Variants in EMC3 observed in about 807,000 individuals in gnomAD.
The protein encoded by EMC3 is ER membrane protein complex subunit 3.
EMC3 carries 13 observed loss-of-function variants against 36.6 expected under a neutral mutation model. The observed-to-expected ratio is 0.35, with a 90% confidence interval of 0.23 to 0.56. The LOEUF is 0.56. Among genes scored for constraint, EMC3 ranks in the 20% least tolerant of loss-of-function variants. The pLI is 0.84. For missense variants in EMC3, 220 were observed against 324.5 expected (o/e 0.68, Z 2.47); for synonymous variants, 120 against 111.9 (o/e 1.07, Z -0.46).
At chr3:9,987,957 A>G (rs2085997661), upstream of EMC3, 1 of 1,034,596 alleles carries the variant, frequency 9.7e-7, no homozygotes, top group Admixed American at 1.7e-5. Context: ...GTGTTTTGCC[A>G]TCACTGTTGC....
intron 1 of EMC3, chr3:9,981,680 C>T (rs2085913108): frequency 2.5e-6 from 1 of 398,180 alleles, no homozygotes; most frequent in South Asian, 1.8e-5. Flanking sequence ...AGGGATCCTC[C>T]CATCTCAGCC....
In EMC3 at chr3:9,964,153, T is replaced by C. The variant is rs201397681; in HGVS notation, c.702A>G (p.Leu234=). Residue 234 remains leucine, a synonymous_variant, in exon 8 of 8, where the codon CTA becomes CTG. Coordinates refer to ENST00000245046, the MANE Select transcript of EMC3 (RefSeq NM_001394674.1). ...ALELTDHQWA[L]DDVEEELMAK... ...CCATGAGCTCTTCTTCGACATCATC[T>C]AGTGCCCACTGGTGATCCGTCAGCT... The C allele has an allele frequency of 4.6e-5, 74 of 1,614,094 alleles. No individual in the cohort carries two copies. Among genetic ancestry groups the C allele is most frequent in the Non-Finnish European group, 6.0e-5 (71 of 1,180,046 alleles).
chr3:10,010,110 A>T (rs1452520726), intron 1 of EMC3: 1 of 152,320 alleles, frequency 6.6e-6, no homozygotes, highest in African/African-American at 2.4e-5. Flanking sequence ...TCCCTGGGAC[A>T]CCCCACTGGG....
At chr3:10,000,730 C>T in intron 1 of EMC3, 1 of 477,038 alleles carries the variant, frequency 2.1e-6, no homozygotes, top group South Asian at 1.5e-5. Context: ...TTCTTCCATA[C>T]CCTTGGGATT....
chr3:9,989,818 C>CTTCT (rs1333804375), upstream of EMC3, among the ~76,000 whole-genome samples: 1 of 152,036 alleles, frequency 6.6e-6, no homozygotes, highest in Non-Finnish European at 1.5e-5. Flanking sequence ...TCTCCATGTG[C>CTTCT]TTCTGCTTTG....
At chr3:9,996,847 A>G (rs77973971) in intron 1 of EMC3, among the ~76,000 whole-genome samples, 1 of 152,152 alleles carries the variant, frequency 6.6e-6, no homozygotes, top group Non-Finnish European at 1.5e-5. Context: ...GTTCTATATC[A>G]TACCTTTTGC....
intron 1 of EMC3, among the ~76,000 whole-genome samples, chr3:9,997,763 A>T (rs1042324770): frequency 6.6e-6 from 1 of 151,638 alleles, no homozygotes; most frequent in Non-Finnish European, 1.5e-5. Context: ...CCCGGCCCCC[A>T]TTCTTTGTTT....
intron 1 of EMC3, 74 bp from the exon 2 acceptor site, chr3:9,977,520 G>A (rs1487686908): frequency 7.2e-7 from 1 of 1,389,740 alleles, no homozygotes; most frequent in African/African-American, 1.4e-5. Context: ...TCAAGTAGAA[G>A]ACCTATTTAA....
rs189592710 is a variant in EMC3 at position 9,972,821 on chromosome 3, G to C, written c.494+807C>G. Reference sequence around the variant, plus strand: ...GATTCCAATGAAGTATTGCAAATTAGAAATCCTCATCTTTTTTTTTTTTTT... The same window carrying C: ...GATTCCAATGAAGTATTGCAAATTACAAATCCTCATCTTTTTTTTTTTTTT... On this transcript the variant is annotated intron_variant, in intron 5 of 7. Coordinates refer to ENST00000245046, the MANE Select transcript of EMC3 (RefSeq NM_001394674.1). Among the ~76,000 whole-genome samples, 17 of 147,772 alleles carry C rather than the reference G, an allele frequency of 1.2e-4. No individual in the cohort carries two copies. In the East Asian group the frequency reaches 3.2e-3, roughly 28 times the overall value.
At chr3:9,976,651 A>G (rs1298246954) in intron 3 of EMC3, among the ~76,000 whole-genome samples, 2 of 152,180 alleles carry the variant, frequency 1.3e-5, no homozygotes, top group Non-Finnish European at 2.9e-5. Flanking sequence ...TGTGCTCCCT[A>G]GAATCCTGGG....
intron 1 of EMC3, chr3:10,008,613 CTG>C (rs2086289853): frequency 5.5e-5 from 24 of 437,652 alleles, no homozygotes; most frequent in South Asian, 3.7e-4. Context: ...GGTGAGGAAA[CTG>C]AGGCTGAAGA....
rs866885769 is a variant in EMC3 at position 9,980,334 on chromosome 3, C to A, written c.156-2888G>T. ...CAGCCAGGTCCCACTGTATTTTGAT[C>A]ACTGTCTTAAGAGCAAAAGGAAACT... On this transcript the variant is annotated intron_variant, in intron 1 of 7. Transcript: ENST00000245046. Among the ~76,000 whole-genome samples the A allele has an allele frequency of 4.0e-5, 6 of 150,950 alleles. 1 individual carries two copies. Among genetic ancestry groups the A allele is most frequent in the Middle Eastern group, 7.0e-3 (2 of 284 alleles).
chr3:10,007,765 T>C, intron 1 of EMC3: 1 of 849,192 alleles, frequency 1.2e-6, no homozygotes, highest in Non-Finnish European at 1.7e-6. Flanking sequence ...TCCTTGTGGG[T>C]TCCTAATGAG....
At chr3:10,002,724 G>A (rs762013809) in intron 1 of EMC3, 1 of 421,470 alleles carries the variant, frequency 2.4e-6, no homozygotes, top group Non-Finnish European at 4.8e-6. Context: ...TAGTAACAGA[G>A]TATGCAAGAG....
chr3:9,965,439 T>C (rs1190095066), intron 7 of EMC3, among the ~76,000 whole-genome samples: 25 of 151,788 alleles, frequency 1.6e-4, no homozygotes, highest in Admixed American at 1.6e-3. Flanking sequence ...GATAGATAGA[T>C]AGATAGATAG....
chr3:9,977,249 G>A (rs527958630), intron 2 of EMC3, 140 bp downstream of exon 2: 2 of 877,530 alleles, frequency 2.3e-6, no homozygotes, highest in African/African-American at 1.7e-5. Context: ...AGGTCACCAT[G>A]AGAGCAAACA....
intron 1 of EMC3, among the ~76,000 whole-genome samples, chr3:10,001,139 A>C (rs2086194151): frequency 6.6e-6 from 1 of 151,980 alleles, no homozygotes; most frequent in African/African-American, 2.4e-5. Context: ...CTTTGAGTTA[A>C]TGTTTGTGTA....
intron 7 of EMC3, chr3:9,969,378 T>C (rs2085762604): frequency 8.7e-7 from 1 of 1,150,222 alleles, no homozygotes; most frequent in African/African-American, 1.6e-5. Context: ...TAGTATTGTT[T>C]TTTTAATGCA....
At chr3:9,974,356 C>T in intron 4 of EMC3, 28 bp downstream of exon 4, 3 of 1,486,122 alleles carry the variant, frequency 2.0e-6, no homozygotes, top group Non-Finnish European at 2.8e-6. Flanking sequence ...CTCTGGGTAA[C>T]ATGAAGTCGG....
Sources: allele counts gnomAD v4.1 joint callset (sites outside exome capture counted in the v4.1 genomes callset), GRCh38; gene constraint gnomAD v4.1.1; transcripts MANE v1.5; gene names NCBI Gene and HGNC (gene_info 2026-07-23, HGNC 2026-07-21).